KIAA1549L: variants seen among roughly 807,000 people sequenced by gnomAD.
KIAA1549L encodes the protein KIAA1549 like.
In KIAA1549L, 88 loss-of-function variants were observed where a neutral mutation model predicts 160.7. The ratio of observed to expected loss-of-function variants is 0.55; its 90% confidence interval spans 0.46 to 0.65. The LOEUF is 0.65. Among genes scored for constraint, KIAA1549L ranks in the 30% least tolerant of loss-of-function variants. The probability of loss-of-function intolerance (pLI) is 0.00; values close to 1 mark genes in which losing one functional copy is unlikely to be tolerated. For synonymous variants in KIAA1549L, 950 were observed against 976.7 expected, an observed-to-expected ratio of 0.97 and a Z score of 0.51; for missense variants, 2,258 against 2,437.5, an observed-to-expected ratio of 0.93 and a Z score of 1.55.
intron 1 of KIAA1549L, among the ~76,000 whole-genome samples, chr11:33,401,905 C>T (rs972041653): frequency 3.3e-5 from 5 of 152,188 alleles, no homozygotes; most frequent in Admixed American, 3.3e-4. Flanking sequence ...GATGCGGAAG[C>T]CAGGTGGGTG....
In KIAA1549L at chr11:33,543,249, G is replaced by A. The variant is rs200319090; in HGVS notation, c.1686G>A (p.Lys562=). The A allele has an allele frequency of 1.2e-4, 193 of 1,613,978 alleles. No individual in the cohort carries two copies. Among genetic ancestry groups the A allele is most frequent in the African/African-American group, 2.0e-4 (15 of 75,060 alleles). The change falls in exon 2 of 21, where the codon AAG becomes AAA. Residue 562 remains lysine (K), a synonymous_variant. Transcript: ENST00000658780. ...STSWTFPRWK[K]DSVTAILGKN... is the part of the protein sequence containing the mutation. ...CTTGGACATTTCCCCGGTGGAAAAAGGACAGTGTGACAGCCATTTTAGGGA... is the reference window on the plus strand; with the variant it reads ...CTTGGACATTTCCCCGGTGGAAAAAAGACAGTGTGACAGCCATTTTAGGGA...
At position 33,547,759 on chromosome 11, in the gene KIAA1549L, C is replaced by T. The variant is rs1232637405; in HGVS notation, c.3386-5C>T. ...TGATTGCCATGCTTCTATTTTACCC[C>T]ACAGTTCTCTTTCTCACCCAAAGGA... is the stretch of plus-strand genomic sequence containing the variant. On this transcript the variant is annotated splice_polypyrimidine_tract_variant and splice_region_variant and intron_variant, in intron 3 of 20. Transcript: ENST00000658780. 1.9e-6 allele frequency: 3 copies of T among 1,591,730 alleles called. No homozygotes were observed. The highest frequency in any genetic ancestry group is 1.7e-6 in the Non-Finnish European group (2 of 1,161,020).
rs2134099114 is a variant in KIAA1549L, at chr11:33,418,791, G to A, written c.238+41902G>A. 2.0e-5 allele frequency among the ~76,000 whole-genome samples: 3 copies of A among 152,216 alleles called. No homozygotes were observed. In the South Asian group the frequency reaches 6.2e-4, roughly 32 times the overall value. On this transcript the variant is annotated intron_variant, in intron 1 of 20. Transcript: ENST00000658780. Reference sequence around the variant, plus strand: ...ATATCCTAGTGCAATGTGCCTTGCTGGGCTAAAGCATTGAAGGACATCCTG... The same window carrying A: ...ATATCCTAGTGCAATGTGCCTTGCTAGGCTAAAGCATTGAAGGACATCCTG...
In KIAA1549L at chr11:33,439,601, C is replaced by T. The variant is rs369878824; in HGVS notation, c.238+62712C>T. 9.3e-3 allele frequency among the ~76,000 whole-genome samples: 1,261 copies of T among 135,096 alleles called. 19 individuals carry two copies. Among genetic ancestry groups the T allele is most frequent in the African/African-American group, 0.034 (1,197 of 35,596 alleles). The allele number at this position is 135,096 out of a possible 152,430, so 88.6% of individuals were successfully genotyped here. On this transcript the variant is annotated intron_variant, in intron 1 of 20. Coordinates refer to ENST00000658780, the MANE Select transcript of KIAA1549L (RefSeq NM_012194.3). ...TTTTTTTTTTTTTTTTTAGTATAGA[C>T]GGGGTTTCACTGTGTTAGCCAGGAT... is the stretch of plus-strand genomic sequence containing the variant.
intron 1 of KIAA1549L, among the ~76,000 whole-genome samples, chr11:33,411,358 A>G (rs1234981773): frequency 6.6e-6 from 1 of 152,004 alleles, no homozygotes; most frequent in Non-Finnish European, 1.5e-5. Flanking sequence ...TGGCATCCTG[A>G]CTCCACCTGA....
chr11:33,419,012 A>C lies in KIAA1549L; in HGVS notation c.238+42123A>C, dbSNP rs538299722. 2.6e-5 allele frequency among the ~76,000 whole-genome samples: 4 copies of C among 151,730 alleles called. No homozygotes were observed. The East Asian group carries it at 7.8e-4, about 29-fold the overall frequency. ...CTCAGCCCCCTGAGTAGCTGGGACCACAGGCACTTGCCACTGTGCCTGGCT... is the reference window on the plus strand; with the variant it reads ...CTCAGCCCCCTGAGTAGCTGGGACCCCAGGCACTTGCCACTGTGCCTGGCT... On this transcript the variant is annotated intron_variant, in intron 1 of 20. Transcript: ENST00000658780.
At chr11:33,414,281 TATA>T (rs1265682476) in intron 1 of KIAA1549L, among the ~76,000 whole-genome samples, 1 of 152,214 alleles carries the variant, frequency 6.6e-6, no homozygotes, top group East Asian at 1.9e-4. Flanking sequence ...GCACGAAGTA[TATA>T]ATATCGTAAT....
chr11:33,610,033 A>G (rs1393434017), intron 15 of KIAA1549L, 67 bp downstream of exon 15: 5 of 1,224,664 alleles, frequency 4.1e-6, no homozygotes, highest in Non-Finnish European at 6.0e-6. Context: ...GGCCTTGGGC[A>G]GTATATCCTG....
intron 16 of KIAA1549L, among the ~76,000 whole-genome samples, chr11:33,640,789 T>C (rs1359027240): frequency 6.6e-6 from 1 of 152,248 alleles, no homozygotes; most frequent in Non-Finnish European, 1.5e-5. Flanking sequence ...ATTTTTAGAA[T>C]TTTTATTGAA....
At chr11:33,545,682 T>C (rs545737671) in intron 3 of KIAA1549L, among the ~76,000 whole-genome samples, 3 of 152,304 alleles carry the variant, frequency 2.0e-5, no homozygotes, top group Admixed American at 1.3e-4. Context: ...CCATGAGCTT[T>C]AGCAAGTGTT....
intron 12 of KIAA1549L, 127 bp downstream of exon 12, chr11:33,591,548 A>G (rs1850054509): frequency 2.7e-6 from 2 of 746,818 alleles, no homozygotes; most frequent in South Asian, 4.1e-5. Flanking sequence ...CATTTTGAAT[A>G]TTTGAAAAGA....
Position 33,408,798 on chromosome 11 carries a change from A to T in KIAA1549L, c.238+31909A>T, listed in dbSNP as rs905512728. Among the ~76,000 whole-genome samples the T allele has an allele frequency of 8.0e-5, 12 of 150,580 alleles. No individual in the cohort carries two copies. The South Asian group carries it at 2.5e-3, about 32-fold the overall frequency. Reference sequence around the variant, plus strand: ...TAAAAATACAAAAAAAAAAAAAAAAAAATTAGCCGGACATAGTGGCGCATG... The same window carrying T: ...TAAAAATACAAAAAAAAAAAAAAAATAATTAGCCGGACATAGTGGCGCATG... On this transcript the variant is annotated intron_variant, in intron 1 of 20. Transcript: ENST00000658780.
chr11:33,595,320 G>A (rs1045541309), intron 12 of KIAA1549L, among the ~76,000 whole-genome samples: 12 of 152,126 alleles, frequency 7.9e-5, no homozygotes, highest in South Asian at 4.1e-4. Flanking sequence ...TCTGCCTCCC[G>A]GGTTCAAGCA....
intron 1 of KIAA1549L, among the ~76,000 whole-genome samples, chr11:33,423,694 A>G (rs966567605): frequency 2.0e-5 from 3 of 152,248 alleles, no homozygotes; most frequent in Non-Finnish European, 2.9e-5. Flanking sequence ...TGGAAGTTTT[A>G]TACAAGTGAG....
chr11:33,519,083 T>C (rs1162103005), intron 1 of KIAA1549L, among the ~76,000 whole-genome samples: 1 of 152,206 alleles, frequency 6.6e-6, no homozygotes, highest in Admixed American at 6.5e-5. Flanking sequence ...AATCCAATCT[T>C]AAATAGACTG....
rs76024261 is a variant in KIAA1549L, at chr11:33,469,565, T to C, written c.239-72237T>C. Among the ~76,000 whole-genome samples, 1,197 of 152,342 alleles carry C rather than the reference T, an allele frequency of 7.9e-3. 9 individuals carry two copies. Among genetic ancestry groups the C allele is most frequent in the Middle Eastern group, 0.014 (4 of 294 alleles). ...GGAATGGAATTGCTGGATCATATGA[T>C]AACTATGTTGAATCATTTGAGGAAC... On this transcript the variant is annotated intron_variant, in intron 1 of 20. Coordinates refer to ENST00000658780, the MANE Select transcript of KIAA1549L (RefSeq NM_012194.3).
chr11:33,471,782 A>G (rs566847407), intron 1 of KIAA1549L, among the ~76,000 whole-genome samples: 2 of 152,368 alleles, frequency 1.3e-5, no homozygotes, highest in East Asian at 3.9e-4. Context: ...AGGTAGGTGC[A>G]GATCTGGCAT....
At position 33,420,238 on chromosome 11, in the gene KIAA1549L, T is replaced by TGTTTTTTTTTTTTGTTTTGTTTTG. The variant is rs200546918; in HGVS notation, c.238+43349_238+43350insGTTTTTTTTTTTTGTTTTGTTTTG. Among the ~76,000 whole-genome samples, 728 of 148,150 alleles carry TGTTTTTTTTTTTTGTTTTGTTTTG rather than the reference T, an allele frequency of 4.9e-3. 5 individuals carry two copies. The highest frequency in any genetic ancestry group is 7.7e-3 in the Non-Finnish European group (517 of 67,004). On this transcript the variant is annotated intron_variant, in intron 1 of 20. Coordinates refer to ENST00000658780, the MANE Select transcript of KIAA1549L (RefSeq NM_012194.3). ...TGTATCTCAAAGTTTTTTTTTTGTT[T>TGTTTTTTTTTTTTGTTTTGTTTTG]TTTTTTTTTTTTTGAGACAGGATCT...
At chr11:33,639,842 A>G (rs1851539615) in intron 16 of KIAA1549L, among the ~76,000 whole-genome samples, 1 of 152,206 alleles carries the variant, frequency 6.6e-6, no homozygotes, top group African/African-American at 2.4e-5. Context: ...GTCCAGCCAT[A>G]TATGCAAAGT....
Sources: allele counts gnomAD v4.1 joint callset (sites outside exome capture counted in the v4.1 genomes callset), GRCh38; gene constraint gnomAD v4.1.1; transcripts MANE v1.5; gene names NCBI Gene and HGNC (gene_info 2026-07-23, HGNC 2026-07-21).